Variants in ANKFN1 observed in about 807,000 individuals in gnomAD.
ANKFN1 encodes the protein ankyrin repeat and fibronectin type III domain containing 1, also known as ankyrin repeat and fibronectin type-III domain-containing protein 1.
A neutral mutation model predicts 108.7 loss-of-function variants in ANKFN1; 74 were observed. That is an observed-to-expected ratio of 0.68 (90% CI 0.56 to 0.83). The LOEUF (loss-of-function observed/expected upper bound fraction) is 0.83. ANKFN1 is among the 40% of genes least tolerant of loss of function. ANKFN1 has a pLI of 0.00. For synonymous variants in ANKFN1, 547 were observed against 516.2 expected, an observed-to-expected ratio of 1.06 and a Z score of -0.81; for missense variants, 1,505 against 1,382.3, an observed-to-expected ratio of 1.09 and a Z score of -1.41.
intron 3 of ANKFN1, among the ~76,000 whole-genome samples, chr17:56,239,356 C>T (rs1567857479): frequency 6.6e-6 from 1 of 151,908 alleles, no homozygotes. Flanking sequence ...TAATATGGTG[C>T]AATAGTTCAA....
rs2051704067 is a variant in ANKFN1, at chr17:56,510,315, TAGTTCAAAATGTGTCAGCATTTC to T, written c.2645-155_2645-133del. 2.6e-5 allele frequency among the ~76,000 whole-genome samples: 4 copies of T among 152,280 alleles called. No homozygotes were observed. In the East Asian group the frequency reaches 7.7e-4, roughly 29 times the overall value. ...GTGCAAAATGAAAATGTGGGGCCCCTAGTTCAAAATGTGTCAGCATTTCAGGAGGTGACAGCAGGGCATTAAAC... is the reference window on the plus strand; with the variant it reads ...GTGCAAAATGAAAATGTGGGGCCCCTAGGAGGTGACAGCAGGGCATTAAAC... On this transcript the variant is annotated intron_variant, in intron 20 of 20. Transcript: ENST00000682825.
At chr17:56,484,249 A>C (rs2050792723) in intron 18 of ANKFN1, among the ~76,000 whole-genome samples, 1 of 152,170 alleles carries the variant, frequency 6.6e-6, no homozygotes, top group African/African-American at 2.4e-5. Flanking sequence ...CATATTGGGC[A>C]ATATCTCCAG....
At chr17:56,410,265 T>C (rs888978670) in intron 8 of ANKFN1, among the ~76,000 whole-genome samples, 2 of 151,956 alleles carry the variant, frequency 1.3e-5, no homozygotes, top group African/African-American at 4.8e-5. Context: ...TTGGTAGAGA[T>C]GGGGGTTTCA....
chr17:56,498,653 C>G (rs1425400385), intron 19 of ANKFN1, among the ~76,000 whole-genome samples: 1 of 152,152 alleles, frequency 6.6e-6, no homozygotes, highest in Non-Finnish European at 1.5e-5. Context: ...GCATCTAAGT[C>G]TTCTACTATT....
At chr17:56,270,500 C>T (rs1473724903) in intron 3 of ANKFN1, among the ~76,000 whole-genome samples, 1 of 152,216 alleles carries the variant, frequency 6.6e-6, no homozygotes, top group African/African-American at 2.4e-5. Flanking sequence ...TCACCATCAT[C>T]CTACCTCTAG....
At chr17:56,329,548 T>C (rs2045607559) in intron 4 of ANKFN1, among the ~76,000 whole-genome samples, 2 of 152,142 alleles carry the variant, frequency 1.3e-5, no homozygotes, top group Admixed American at 6.6e-5. Flanking sequence ...TTGAGAAAAG[T>C]GTTTAGAGGT....
Position 56,477,623 on chromosome 17 carries a change from G to T in ANKFN1, c.1909G>T (p.Val637Leu), listed in dbSNP as rs763328804. ...TQKLPNILCH[V>L]KIRENNNISR... ...AAAGTTGCCCAACATTCTCTGCCAC[G>T]TGAAGATCCGTGAAAACAATAATAT... Residue 637 changes from valine to leucine, a missense_variant, in exon 16 of 21, where the codon GTG becomes TTG. Coordinates refer to ENST00000682825, the MANE Select transcript of ANKFN1 (RefSeq NM_001370326.1). The T allele has an allele frequency of 2.5e-6, 4 of 1,612,636 alleles. No individual in the cohort carries two copies. The highest frequency in any genetic ancestry group is 1.7e-5 in the Admixed American group (1 of 59,662).
chr17:56,424,137 G>C (rs1318599876), intron 8 of ANKFN1, among the ~76,000 whole-genome samples: 1 of 152,174 alleles, frequency 6.6e-6, no homozygotes, highest in Non-Finnish European at 1.5e-5. Flanking sequence ...TAGAAGGTGG[G>C]TGCACTAAGG....
chr17:56,444,751 A>G (rs2049227336), intron 10 of ANKFN1, among the ~76,000 whole-genome samples: 1 of 152,234 alleles, frequency 6.6e-6, no homozygotes, highest in East Asian at 1.9e-4. Flanking sequence ...ACATATATAC[A>G]GAGCCCAGCA....
intron 1 of ANKFN1, among the ~76,000 whole-genome samples, chr17:56,210,804 C>T (rs1765946940): frequency 6.6e-6 from 1 of 152,132 alleles, no homozygotes; most frequent in African/African-American, 2.4e-5. Flanking sequence ...AAGGGAAATG[C>T]CAGACACTTA....
intron 1 of ANKFN1, among the ~76,000 whole-genome samples, chr17:56,197,696 C>A (rs968981729): frequency 4.6e-5 from 7 of 152,236 alleles, no homozygotes; most frequent in African/African-American, 1.7e-4. Context: ...CCCTTAAAAA[C>A]ACTTTGTCTT....
chr17:56,122,116 A>C (rs1458163649), intron 4 of ANKFN1, among the ~76,000 whole-genome samples: 2 of 152,214 alleles, frequency 1.3e-5, no homozygotes, highest in Non-Finnish European at 2.9e-5. Flanking sequence ...AGAATTGGAC[A>C]GTCTGAGTAG....
chr17:56,335,797 T>G (rs1177215948), intron 4 of ANKFN1, among the ~76,000 whole-genome samples: 2 of 151,552 alleles, frequency 1.3e-5, no homozygotes, highest in African/African-American at 2.5e-5. Context: ...TTGTGCCAGT[T>G]TTCAAAGGGA....
chr17:56,235,458 G>T lies in ANKFN1; in HGVS notation c.53+7501G>T, dbSNP rs1917053263. ...CTATGTCCACAATGGTATTGCCTAG[G>T]TTGTCTTCCAGAGTTTTTATAGTTT... On this transcript the variant is annotated intron_variant, in intron 3 of 20. Coordinates refer to ENST00000682825, the MANE Select transcript of ANKFN1 (RefSeq NM_001370326.1). 4.6e-5 allele frequency among the ~76,000 whole-genome samples: 7 copies of T among 152,232 alleles called. No homozygotes were observed. The South Asian group carries it at 1.2e-3, about 27-fold the overall frequency.
chr17:56,078,109 A>G (rs1262847212), intron 4 of ANKFN1, among the ~76,000 whole-genome samples: 2 of 152,158 alleles, frequency 1.3e-5, no homozygotes, highest in Non-Finnish European at 2.9e-5. Context: ...GTCTAGTAAG[A>G]CACCTGTGGT....
chr17:56,502,429 C>T (rs2051403104), intron 20 of ANKFN1, among the ~76,000 whole-genome samples: 1 of 152,170 alleles, frequency 6.6e-6, no homozygotes, highest in African/African-American at 2.4e-5. Context: ...AAATATAACG[C>T]TCTCTTGGGT....
chr17:56,136,808 C>T (rs537006605), intron 4 of ANKFN1, among the ~76,000 whole-genome samples: 5 of 152,148 alleles, frequency 3.3e-5, no homozygotes, highest in Admixed American at 6.5e-5. Context: ...GATAAATGAA[C>T]CATTATAAAA....
intron 3 of ANKFN1, among the ~76,000 whole-genome samples, chr17:56,315,212 G>GT (rs2045165011): frequency 6.6e-6 from 1 of 152,182 alleles, no homozygotes; most frequent in Admixed American, 6.5e-5. Flanking sequence ...ATAGCTGGAG[G>GT]AGATGGTGAA....
chr17:56,055,459 A>G (rs532384200), intron 4 of ANKFN1, among the ~76,000 whole-genome samples: 56 of 128,040 alleles, frequency 4.4e-4, no homozygotes, highest in African/African-American at 1.5e-3. Context: ...GTGTGTGTGT[A>G]TTATTCCATT....
Sources: allele counts gnomAD v4.1 joint callset (sites outside exome capture counted in the v4.1 genomes callset), GRCh38; gene constraint gnomAD v4.1.1; transcripts MANE v1.5; gene names NCBI Gene and HGNC (gene_info 2026-07-23, HGNC 2026-07-21).